RAPGEF6: variants seen among roughly 807,000 people sequenced by gnomAD.
RAPGEF6 encodes PDZ domain containing guanine nucleotide exchange factor (GEF) 2.
Under a neutral mutation model 171.4 loss-of-function variants are expected in RAPGEF6, and 56 were observed. That is an observed-to-expected ratio of 0.33 (90% CI 0.26 to 0.41). The LOEUF is 0.41. RAPGEF6 is among the 10% of genes least tolerant of loss of function. The pLI is 1.00. For synonymous variants in RAPGEF6, 692 were observed against 650.1 expected (o/e 1.06, Z -0.98); for missense variants, 1,674 against 1,921.4 (o/e 0.87, Z 2.41).
chr5:131,487,085 T>G (rs244733), intron 15 of RAPGEF6, among the ~76,000 whole-genome samples: 1 of 151,928 alleles, frequency 6.6e-6, no homozygotes, highest in African/African-American at 2.4e-5. Context: ...AGAATGAAGA[T>G]GCAGACCTTC....
chr5:131,504,769 T>C lies in RAPGEF6; in HGVS notation c.1111A>G (p.Ile371Val). 4 of 1,611,724 alleles carry C rather than the reference T, an allele frequency of 2.5e-6. No individual in the cohort carries two copies. The highest frequency in any genetic ancestry group is 1.1e-5 in the South Asian group (1 of 90,776). ...TKVDDCQFVC[I>V]AQQDYWRILN... ...ATTCTCCAATAATCTTGCTGGGCTA[T>C]GCAGACAAACTGTCCAAGAACAACA... is the stretch of plus-strand genomic sequence containing the variant. Residue 371 changes from isoleucine to valine, a missense_variant, in exon 11 of 28, where the codon ATA (isoleucine) becomes GTA (valine). By Grantham distance (29) the Ile-to-Val change is conservative. Coordinates refer to ENST00000509018, the MANE Select transcript of RAPGEF6 (RefSeq NM_016340.6).
At chr5:131,569,086 T>C (rs1251121870) in intron 4 of RAPGEF6, among the ~76,000 whole-genome samples, 2 of 152,026 alleles carry the variant, frequency 1.3e-5, no homozygotes, top group Non-Finnish European at 2.9e-5. Context: ...AAAAGATAAA[T>C]ATATGCAGAA....
At chr5:131,437,140 T>C (rs1048011715) in intron 24 of RAPGEF6, among the ~76,000 whole-genome samples, 4 of 152,200 alleles carry the variant, frequency 2.6e-5, no homozygotes, top group Admixed American at 1.3e-4. Context: ...GGGGTTTTGA[T>C]AGTACACATG....
chr5:131,455,931 A>C lies in RAPGEF6; in HGVS notation c.2946T>G (p.Asp982Glu), dbSNP rs147549876. ...TAGATGGATCAAAAATGTCTTGTAG[A>C]TCTTGAAGATGTTTCTCGTATTTGC... ...LPSKYEKHLQ[D>E]LQDIFDPSRN... Residue 982 changes from aspartate (D) to glutamate (E), a missense_variant, in exon 20 of 28, where the codon GAT (aspartate) becomes GAG (glutamate). Coordinates refer to ENST00000509018, the MANE Select transcript of RAPGEF6 (RefSeq NM_016340.6). The C allele has an allele frequency of 2.5e-6, 4 of 1,613,990 alleles. No homozygotes were observed. The African/African-American group carries it at 4.0e-5, about 16-fold the overall frequency.
chr5:131,559,077 C>A (rs1340719647), intron 5 of RAPGEF6, among the ~76,000 whole-genome samples: 1 of 152,104 alleles, frequency 6.6e-6, no homozygotes, highest in Non-Finnish European at 1.5e-5. Context: ...CCTGTTAATC[C>A]CAGCGCTTTG....
At chr5:131,625,081 G>A (rs888842267) in intron 1 of RAPGEF6, among the ~76,000 whole-genome samples, 1 of 152,096 alleles carries the variant, frequency 6.6e-6, no homozygotes, top group African/African-American at 2.4e-5. Context: ...GGCCAACATG[G>A]TGTAACTCTG....
At chr5:131,631,511 T>C (rs574298791) in intron 1 of RAPGEF6, among the ~76,000 whole-genome samples, 1 of 151,966 alleles carries the variant, frequency 6.6e-6, no homozygotes, top group South Asian at 2.1e-4. Flanking sequence ...TAACCACTTC[T>C]CACCACTTCC....
chr5:131,573,936 C>T (rs1762453569), intron 4 of RAPGEF6, among the ~76,000 whole-genome samples: 1 of 152,134 alleles, frequency 6.6e-6, no homozygotes, highest in Admixed American at 6.5e-5. Flanking sequence ...CCTTAAACCC[C>T]ACAACAGGAT....
chr5:131,503,782 G>C (rs892099747), intron 11 of RAPGEF6, among the ~76,000 whole-genome samples: 1 of 152,172 alleles, frequency 6.6e-6, no homozygotes, highest in African/African-American at 2.4e-5. Flanking sequence ...TTACAGAAGG[G>C]AAAACAGTAT....
chr5:131,464,100 T>C lies in RAPGEF6; in HGVS notation c.2421A>G (p.Lys807=), dbSNP rs1754145446. 6.2e-7 allele frequency: 1 copy of C among 1,613,562 alleles called. No individual in the cohort carries two copies. The highest frequency in any genetic ancestry group is 8.5e-7 in the Non-Finnish European group (1 of 1,179,722). Residue 807 remains lysine (K), a synonymous_variant, in exon 18 of 28, where the codon AAA becomes AAG. Transcript: ENST00000509018. The stretch of plus-strand genomic sequence containing the variant: ...AGAACTGATCTGGAAGTCTTCTCTG[T>C]TTTATGACACCCTCAGGAGTAACAG... ...EVSVTPEGVI[K]QRRLPDQFSK...
At chr5:131,606,301 T>G (rs919866760) in intron 1 of RAPGEF6, among the ~76,000 whole-genome samples, 1 of 149,196 alleles carries the variant, frequency 6.7e-6, no homozygotes, top group Admixed American at 6.7e-5. Flanking sequence ...TGGGAAGAAG[T>G]TGCAGTGAGC....
Position 131,592,480 on chromosome 5 carries a change from TAAGTA to T in RAPGEF6, c.198-19_198-15del, listed in dbSNP as rs1179373335. ...ATCGTTTCTGAACTGTTTAAATAAA[TAAGTA>T]AATAAATGAGCAAAACAACACACAT... On this transcript the variant is annotated splice_polypyrimidine_tract_variant and intron_variant, in intron 3 of 27. Transcript: ENST00000509018. 1 of 1,609,490 alleles carries T rather than the reference TAAGTA, an allele frequency of 6.2e-7. No homozygotes were observed.
chr5:131,506,717 G>C (rs527431374), intron 9 of RAPGEF6, among the ~76,000 whole-genome samples: 79 of 152,160 alleles, frequency 5.2e-4, no homozygotes, highest in Non-Finnish European at 1.0e-3. Context: ...CCCGTATCTA[G>C]AACAGTACCT....
chr5:131,430,708 T>C (rs767274260), intron 26 of RAPGEF6, 151 bp downstream of exon 26: 14 of 1,126,596 alleles, frequency 1.2e-5, no homozygotes, highest in Non-Finnish European at 1.9e-5. Flanking sequence ...AAACCATGAA[T>C]TTTTGGGAAA....
intron 4 of RAPGEF6, among the ~76,000 whole-genome samples, chr5:131,588,796 G>C (rs1043720793): frequency 4.0e-5 from 6 of 151,536 alleles, no homozygotes; most frequent in African/African-American, 1.5e-4. Context: ...AAAACAGCCA[G>C]GCGAGGTGGC....
intron 1 of RAPGEF6, among the ~76,000 whole-genome samples, chr5:131,623,656 TG>T: frequency 6.6e-6 from 1 of 152,188 alleles, no homozygotes; most frequent in East Asian, 1.9e-4. Flanking sequence ...CGGCTAATTT[TG>T]TATTTTTAGT....
intron 1 of RAPGEF6, among the ~76,000 whole-genome samples, chr5:131,622,696 T>A (rs549316961): frequency 6.6e-6 from 1 of 152,144 alleles, no homozygotes; most frequent in Non-Finnish European, 1.5e-5. Flanking sequence ...ATAATCCAGG[T>A]CTCATCCAGA....
intron 4 of RAPGEF6, among the ~76,000 whole-genome samples, chr5:131,565,531 A>G (rs1761877894): frequency 6.6e-6 from 1 of 152,218 alleles, no homozygotes; most frequent in South Asian, 2.1e-4. Flanking sequence ...TAAAGAGCCT[A>G]AAATAGCTAA....
chr5:131,525,581 TTGCTTACAA>T (rs1378119224), intron 6 of RAPGEF6, among the ~76,000 whole-genome samples: 1 of 152,104 alleles, frequency 6.6e-6, no homozygotes, highest in Non-Finnish European at 1.5e-5. Flanking sequence ...AAAGTCATAA[TTGCTTACAA>T]TACAGAATAT....
Sources: allele counts gnomAD v4.1 joint callset (sites outside exome capture counted in the v4.1 genomes callset), GRCh38; gene constraint gnomAD v4.1.1; transcripts MANE v1.5; gene names NCBI Gene and HGNC (gene_info 2026-07-23, HGNC 2026-07-21).